The following INPP5A variants were observed in gnomAD, a reference collection of about 807,000 sequenced individuals.
INPP5A encodes the protein inositol polyphosphate-5-phosphatase A.
INPP5A carries 14 observed loss-of-function variants against 65.2 expected under a neutral mutation model. The ratio of observed to expected loss-of-function variants is 0.21; its 90% CI spans 0.14 to 0.34. The LOEUF (loss-of-function observed/expected upper bound fraction) is 0.34. Ranked by LOEUF, INPP5A falls within the 10% of genes least tolerant of loss-of-function variation. The probability of loss-of-function intolerance (pLI) is 1.00; values close to 1 mark genes in which losing one functional copy is unlikely to be tolerated. For missense variants in INPP5A, 431 were observed against 545.6 expected (o/e 0.79, Z 2.09); for synonymous variants, 207 against 208.3 (o/e 0.99, Z 0.05).
At position 132,707,896 on chromosome 10, in the gene INPP5A, C is replaced by T. The variant is rs1845563133; in HGVS notation, c.475-417C>T. Among the ~76,000 whole-genome samples, 2 of 152,138 alleles carry T rather than the reference C, an allele frequency of 1.3e-5. No homozygotes were observed. The highest frequency in any genetic ancestry group is 4.1e-4 in the South Asian group (2 of 4,828). ...CACACTGTTGGGGTGGGCAGGTCACCCACTGTCCAGGACGCCTGGCTGGGC... is the reference window on the plus strand; with the variant it reads ...CACACTGTTGGGGTGGGCAGGTCACTCACTGTCCAGGACGCCTGGCTGGGC... On this transcript the variant is annotated intron_variant, in intron 6 of 15. Coordinates refer to ENST00000368594, the MANE Select transcript of INPP5A (RefSeq NM_005539.5). The surrounding 1 kb of genome is among the most constrained non-coding windows in gnomAD (Gnocchi z 5.5).
At chr10:132,577,290 C>G (rs573189347) in intron 1 of INPP5A, among the ~76,000 whole-genome samples, 1 of 152,146 alleles carries the variant, frequency 6.6e-6, no homozygotes, top group Non-Finnish European at 1.5e-5. Context: ...CATTTCAGGA[C>G]GGGACTCTGA....
chr10:132,570,135 C>T (rs537106692), intron 1 of INPP5A, among the ~76,000 whole-genome samples: 10 of 124,364 alleles, frequency 8.0e-5, no homozygotes, highest in South Asian at 5.6e-4. Flanking sequence ...TTAGTAGAGA[C>T]GGGGTTTCGC....
chr10:132,774,193 G>C (rs1008145088), intron 12 of INPP5A, among the ~76,000 whole-genome samples: 3 of 152,212 alleles, frequency 2.0e-5, no homozygotes, highest in African/African-American at 7.2e-5. Flanking sequence ...TCCAGTGGCA[G>C]CTGGTGTGTT....
chr10:132,680,437 A>C (rs1397997257), intron 4 of INPP5A, among the ~76,000 whole-genome samples: 3 of 152,270 alleles, frequency 2.0e-5, no homozygotes, highest in Non-Finnish European at 4.4e-5. Flanking sequence ...AAAATACCTT[A>C]TACCCATTAG....
chr10:132,642,466 C>G (rs146700060), intron 2 of INPP5A, among the ~76,000 whole-genome samples: 14 of 152,348 alleles, frequency 9.2e-5, no homozygotes, highest in Admixed American at 3.9e-4. Flanking sequence ...CCGCCTTACT[C>G]CTGCCGTGAC....
chr10:132,733,684 C>T (rs896485888), intron 9 of INPP5A, among the ~76,000 whole-genome samples: 2 of 152,200 alleles, frequency 1.3e-5, no homozygotes, highest in Admixed American at 6.5e-5. Context: ...CCCCTCATAC[C>T]GGCACCAGAT....
At chr10:132,737,068 G>A (rs1846189446) in intron 9 of INPP5A, among the ~76,000 whole-genome samples, 1 of 152,250 alleles carries the variant, frequency 6.6e-6, no homozygotes, top group African/African-American at 2.4e-5. Flanking sequence ...TGTATGGGCA[G>A]GCCTGAGCTC....
rs893106835 is a variant in INPP5A at position 132,547,381 on chromosome 10, G to A, written c.75+9210G>A. 2.6e-5 allele frequency among the ~76,000 whole-genome samples: 4 copies of A among 152,176 alleles called. No individual in the cohort carries two copies. Among genetic ancestry groups the A allele is most frequent in the African/African-American group, 9.6e-5 (4 of 41,460 alleles). ...CGTCAGGTGTTCTCGGCGGCCTCTC[G>A]GTAACAGCCTGGCCTTTGCTTCTGT... is the stretch of plus-strand genomic sequence containing the variant. On this transcript the variant is annotated intron_variant, in intron 1 of 15. Transcript: ENST00000368594. The surrounding 1 kb of genome is among the most constrained non-coding windows in gnomAD (Gnocchi z 5.5).
chr10:132,683,413 A>G (rs2073077285), intron 4 of INPP5A, among the ~76,000 whole-genome samples: 1 of 151,984 alleles, frequency 6.6e-6, no homozygotes, highest in Admixed American at 6.6e-5. Flanking sequence ...TCCTATGTGG[A>G]GGGCACGTGT....
At chr10:132,638,953 A>C (rs970158564) in intron 2 of INPP5A, among the ~76,000 whole-genome samples, 2 of 152,144 alleles carry the variant, frequency 1.3e-5, no homozygotes, top group African/African-American at 2.4e-5. Flanking sequence ...GACATAGTTT[A>C]TATGTTACAT....
intron 9 of INPP5A, among the ~76,000 whole-genome samples, chr10:132,746,777 C>G (rs1157025834): frequency 6.6e-6 from 1 of 152,232 alleles, no homozygotes. Context: ...TTTGTTTCTC[C>G]TTTCAAAAGA....
chr10:132,682,456 T>C (rs921474749), intron 4 of INPP5A, among the ~76,000 whole-genome samples: 2 of 152,276 alleles, frequency 1.3e-5, no homozygotes, highest in African/African-American at 4.8e-5. Flanking sequence ...ACTATGCTAG[T>C]ATAATGAAGA....
At chr10:132,595,028 A>G (rs1013253788) in intron 1 of INPP5A, among the ~76,000 whole-genome samples, 1 of 152,240 alleles carries the variant, frequency 6.6e-6, no homozygotes, top group Non-Finnish European at 1.5e-5. Context: ...TAAAGAAGAG[A>G]AAAAGAAATA....
chr10:132,556,327 C>T (rs2071124777), intron 1 of INPP5A, among the ~76,000 whole-genome samples: 1 of 152,140 alleles, frequency 6.6e-6, no homozygotes, highest in Non-Finnish European at 1.5e-5. Context: ...GAGGCTGTTT[C>T]CTGTTCGGCT....
chr10:132,728,393 G>A (rs956851976), intron 9 of INPP5A, among the ~76,000 whole-genome samples: 1 of 152,234 alleles, frequency 6.6e-6, no homozygotes, highest in Non-Finnish European at 1.5e-5. Flanking sequence ...CAGGGGCTGT[G>A]CCCATCCTTG....
chr10:132,743,513 C>T (rs1846314280), intron 9 of INPP5A, among the ~76,000 whole-genome samples: 3 of 152,260 alleles, frequency 2.0e-5, no homozygotes, highest in Admixed American at 2.0e-4. Context: ...CGGACCCTAA[C>T]CCTGGGGCTG....
chr10:132,775,564 G>A (rs1349693459), intron 12 of INPP5A, among the ~76,000 whole-genome samples: 1 of 152,114 alleles, frequency 6.6e-6, no homozygotes, highest in East Asian at 1.9e-4. Flanking sequence ...GCCACAGGGA[G>A]CACCCCTGGC....
At chr10:132,565,791 GTA>G (rs2071267239) in intron 1 of INPP5A, among the ~76,000 whole-genome samples, 1 of 151,672 alleles carries the variant, frequency 6.6e-6, no homozygotes, top group Non-Finnish European at 1.5e-5. Context: ...ATGCGTGTGA[GTA>G]TGTGTGTGTG....
intron 5 of INPP5A, among the ~76,000 whole-genome samples, chr10:132,693,378 G>A (rs1749318632): frequency 6.6e-6 from 1 of 152,100 alleles, no homozygotes. Context: ...GACAGAGACT[G>A]TCAGAGTGGA....
Sources: gnomAD v4.1 joint callset for allele counts (sites outside exome capture counted in the v4.1 genomes callset) on GRCh38, gnomAD v4.1.1 for gene constraint, Gnocchi (gnomAD v3.1) non-coding constraint, MANE v1.5 for transcripts, NCBI Gene and HGNC (gene_info 2026-07-23, HGNC 2026-07-21) for gene names.